Variants in EFNA5 observed in about 807,000 individuals in gnomAD.
EFNA5 encodes ephrin A5.
A neutral mutation model predicts 22.9 loss-of-function variants in EFNA5; 5 were observed. The observed-to-expected ratio is 0.22, with a 90% CI of 0.11 to 0.46. The LOEUF (loss-of-function observed/expected upper bound fraction) is 0.46, where lower values mean the gene tolerates loss of function less well. EFNA5 is among the 20% of genes least tolerant of loss of function. EFNA5 has a pLI of 0.99. For synonymous variants in EFNA5, 113 were observed against 112.2 expected (o/e 1.01, Z -0.04); for missense variants, 237 against 293.3 (o/e 0.81, Z 1.40).
rs1053729865 is a variant in EFNA5 at position 107,670,428 on chromosome 5, G to T, written c.125+61C>A. ...TTGGTGCGCGCCGATCCCCGCCGCC[G>T]CTCCTTCCGCAGGGCCCCGAGGCCC... On this transcript the variant is annotated intron_variant, in intron 1 of 4. Transcript: ENST00000333274. 5 of 1,499,702 alleles carry T rather than the reference G, an allele frequency of 3.3e-6. No homozygotes were observed. In the African/African-American group the frequency reaches 7.2e-5, roughly 22 times the overall value. 92.9% of individuals were successfully genotyped at this position (1,499,702 alleles called of 1,614,324 possible). A position where few individuals can be genotyped will look rare whatever the true frequency, so the allele number is the denominator to read the frequency against.
chr5:107,492,378 C>A (rs1427581612), intron 1 of EFNA5, among the ~76,000 whole-genome samples: 2 of 152,144 alleles, frequency 1.3e-5, no homozygotes, highest in Non-Finnish European at 2.9e-5. Context: ...AACTATTCAG[C>A]TAGAAAGATC....
At chr5:107,552,602 T>C (rs1445777458) in intron 1 of EFNA5, among the ~76,000 whole-genome samples, 1 of 152,232 alleles carries the variant, frequency 6.6e-6, no homozygotes, top group Non-Finnish European at 1.5e-5. Context: ...GTGAAAAATG[T>C]AACTGATATG....
intron 2 of EFNA5, among the ~76,000 whole-genome samples, chr5:107,412,594 T>C (rs577955251): frequency 4.6e-5 from 7 of 152,298 alleles, no homozygotes; most frequent in South Asian, 2.1e-4. Flanking sequence ...TATGAGACTA[T>C]AGGGAAAAAA....
chr5:107,648,086 A>AT (rs1382525432), intron 1 of EFNA5, among the ~76,000 whole-genome samples: 1 of 152,116 alleles, frequency 6.6e-6, no homozygotes, highest in Non-Finnish European at 1.5e-5. Context: ...AGTTTAACTG[A>AT]TTTTTTGCCT....
intron 1 of EFNA5, among the ~76,000 whole-genome samples, chr5:107,461,442 T>C (rs1306426310): frequency 6.6e-6 from 1 of 152,018 alleles, no homozygotes; most frequent in Non-Finnish European, 1.5e-5. Flanking sequence ...ATCCAGCCGA[T>C]ATACCCCTAA....
intron 1 of EFNA5, among the ~76,000 whole-genome samples, chr5:107,562,230 A>G (rs1748562850): frequency 6.6e-6 from 1 of 152,198 alleles, no homozygotes; most frequent in African/African-American, 2.4e-5. Flanking sequence ...CAATGTTTAC[A>G]AGCTCTAATA....
chr5:107,515,021 T>C (rs1356994096), intron 1 of EFNA5, among the ~76,000 whole-genome samples: 1 of 152,170 alleles, frequency 6.6e-6, no homozygotes, highest in Non-Finnish European at 1.5e-5. Flanking sequence ...ATGTGCAGGA[T>C]GGCAGCTCCA....
chr5:107,483,088 T>G lies in EFNA5; in HGVS notation c.126-55579A>C, dbSNP rs200718586. Among the ~76,000 whole-genome samples, 4 of 152,258 alleles carry G rather than the reference T, an allele frequency of 2.6e-5. No homozygotes were observed. In the East Asian group the frequency reaches 7.7e-4, roughly 29 times the overall value. Reference sequence around the variant, plus strand: ...GCAGCTTGTTCCTCGTCTTTAATCTTCTTTATGTAATAGTGTGAACAAAGC... The same window carrying G: ...GCAGCTTGTTCCTCGTCTTTAATCTGCTTTATGTAATAGTGTGAACAAAGC... On this transcript the variant is annotated intron_variant, in intron 1 of 4. Coordinates refer to ENST00000333274, the MANE Select transcript of EFNA5 (RefSeq NM_001962.3).
intron 1 of EFNA5, among the ~76,000 whole-genome samples, chr5:107,536,977 T>C (rs1747943498): frequency 6.6e-6 from 1 of 151,176 alleles, no homozygotes; most frequent in Non-Finnish European, 1.5e-5. Context: ...TGGTGGCGGC[T>C]GCCTGTAATC....
At chr5:107,541,916 C>A (rs1394587424) in intron 1 of EFNA5, among the ~76,000 whole-genome samples, 1 of 152,114 alleles carries the variant, frequency 6.6e-6, no homozygotes, top group Non-Finnish European at 1.5e-5. Flanking sequence ...AAATGTTTGG[C>A]AAACAGACTA....
chr5:107,441,769 G>T (rs1319718466), intron 1 of EFNA5, among the ~76,000 whole-genome samples: 1 of 152,140 alleles, frequency 6.6e-6, no homozygotes, highest in African/African-American at 2.4e-5. Flanking sequence ...AGATGTCAGA[G>T]ATGTTTCCAA....
intron 1 of EFNA5, among the ~76,000 whole-genome samples, chr5:107,534,498 C>G (rs2112454532): frequency 6.6e-6 from 1 of 152,306 alleles, no homozygotes; most frequent in South Asian, 2.1e-4. Flanking sequence ...ATAATAGACT[C>G]AAACATGCTA....
chr5:107,470,394 G>T (rs1026641340), intron 1 of EFNA5, among the ~76,000 whole-genome samples: 3 of 152,184 alleles, frequency 2.0e-5, no homozygotes, highest in African/African-American at 7.2e-5. Flanking sequence ...GGATGATGAA[G>T]TATATCCAAG....
At chr5:107,417,278 C>T (rs988955752) in intron 2 of EFNA5, among the ~76,000 whole-genome samples, 1 of 152,184 alleles carries the variant, frequency 6.6e-6, no homozygotes, top group Non-Finnish European at 1.5e-5. Flanking sequence ...CAATAATAGA[C>T]CTGGCTGGCT....
chr5:107,656,787 G>A (rs952197431), intron 1 of EFNA5, among the ~76,000 whole-genome samples: 1 of 152,022 alleles, frequency 6.6e-6, no homozygotes, highest in Non-Finnish European at 1.5e-5. Flanking sequence ...AAGAAACTGA[G>A]GCTTAGATTC....
chr5:107,407,855 T>C (rs931076401), intron 2 of EFNA5, among the ~76,000 whole-genome samples: 7 of 152,122 alleles, frequency 4.6e-5, no homozygotes, highest in Non-Finnish European at 7.4e-5. Context: ...GCCTCTGACA[T>C]AGGGTTGGTC....
chr5:107,463,238 AAGC>A (rs1213149053), intron 1 of EFNA5, among the ~76,000 whole-genome samples: 2 of 152,192 alleles, frequency 1.3e-5, no homozygotes, highest in Admixed American at 6.6e-5. Context: ...CTAAATAAAA[AAGC>A]AGATTACAAT....
intron 1 of EFNA5, among the ~76,000 whole-genome samples, chr5:107,532,561 G>A (rs1747836752): frequency 1.3e-5 from 2 of 152,190 alleles, no homozygotes; most frequent in African/African-American, 2.4e-5. Context: ...AATGTGGGAC[G>A]GAAGAAGCAT....
chr5:107,453,541 T>C (rs1387495203), intron 1 of EFNA5, among the ~76,000 whole-genome samples: 1 of 152,186 alleles, frequency 6.6e-6, no homozygotes, highest in African/African-American at 2.4e-5. Context: ...AGTGCATAAG[T>C]ACAGAAACAA....
Sources: gnomAD v4.1 joint callset for allele counts (sites outside exome capture counted in the v4.1 genomes callset) on GRCh38, gnomAD v4.1.1 for gene constraint, MANE v1.5 for transcripts, NCBI Gene and HGNC (gene_info 2026-07-23, HGNC 2026-07-21) for gene names.